CFAP410: variants seen among roughly 807,000 people sequenced by gnomAD.
CFAP410 encodes the protein cilia and flagella associated protein 410.
In CFAP410, 27 loss-of-function variants were observed where a neutral mutation model predicts 25.7. The observed-to-expected ratio is 1.05, with a 90% CI of 0.77 to 1.45. The LOEUF (loss-of-function observed/expected upper bound fraction) is 1.45. Among genes scored for constraint, CFAP410 ranks in the 40% most tolerant of loss-of-function variants. The probability of loss-of-function intolerance (pLI) is 0.00; values close to 1 mark genes in which losing one functional copy is unlikely to be tolerated. For synonymous variants in CFAP410, 178 were observed against 158.4 expected (o/e 1.12, Z -0.93); for missense variants, 428 against 354.1 (o/e 1.21, Z -1.67).
In CFAP410 at chr21:44,333,311, G is replaced by A. The variant is rs1038025763; in HGVS notation, c.144-49C>T. On this transcript the variant is annotated intron_variant, in intron 3 of 6. Transcript: ENST00000339818. ...GCGAGGGACGTGGCCAGGGCCCCCAGGGCCACCTCTCAATCCCCACCCCCA... is the reference window on the plus strand; with the variant it reads ...GCGAGGGACGTGGCCAGGGCCCCCAAGGCCACCTCTCAATCCCCACCCCCA... 3.5e-5 allele frequency: 51 copies of A among 1,458,546 alleles called. No individual in the cohort carries two copies. In the African/African-American group the frequency reaches 6.9e-4, roughly 20 times the overall value. 90.4% of individuals were successfully genotyped at this position (1,458,546 alleles called of 1,614,324 possible). A position where few individuals can be genotyped will look rare whatever the true frequency, so the allele number is the denominator to read the frequency against.
chr21:44,337,628 C>T (rs773145451), intron 2 of CFAP410, 21 bp downstream of exon 2: 61 of 1,609,418 alleles, frequency 3.8e-5, no homozygotes, highest in East Asian at 1.6e-4. Flanking sequence ...GCAATACTTA[C>T]ATCTGTGAGG....
rs11911832 is a variant in CFAP410 at position 44,331,826 on chromosome 21, C to T, written c.545+17G>A. ...ACAGGGATGGGCTGCGGAGTCCCCG[C>T]TGCCCTCCAGCCTCACGTTGCCTCC... is the stretch of plus-strand genomic sequence containing the variant. On this transcript the variant is annotated intron_variant, in intron 5 of 6. Coordinates refer to ENST00000339818, the MANE Select transcript of CFAP410 (RefSeq NM_004928.3). 2 of 1,606,500 alleles carry T rather than the reference C, an allele frequency of 1.2e-6. No homozygotes were observed. Among genetic ancestry groups the T allele is most frequent in the African/African-American group, 1.3e-5 (1 of 74,784 alleles).
Position 44,338,458 on chromosome 21 carries a change from C to T in CFAP410, c.77+660G>A, listed in dbSNP as rs188852613. 896 of 445,510 alleles carry T rather than the reference C, an allele frequency of 2.0e-3. 6 individuals carry two copies. The highest frequency in any genetic ancestry group is 0.016 in the African/African-American group (786 of 49,348). 27.6% of individuals were successfully genotyped at this position (445,510 alleles called of 1,614,324 possible). On this transcript the variant is annotated intron_variant, in intron 1 of 6. Transcript: ENST00000339818. ...TACCTGCCTTTCAGCCTGCCTGGGT[C>T]CCACCGCACCCACGTCCCTTCCTGT...
intron 3 of CFAP410, chr21:44,334,695 A>C: frequency 4.0e-6 from 1 of 248,680 alleles, no homozygotes; most frequent in Middle Eastern, 1.6e-3. Context: ...TTAGCCAGCC[A>C]ATAGATGGGA....
chr21:44,332,808 T>A (rs2047676343), intron 4 of CFAP410: 3 of 558,962 alleles, frequency 5.4e-6, no homozygotes. Flanking sequence ...ATACCCAAAC[T>A]GTCAGTCCCA....
rs569592565 is a variant in CFAP410 at position 44,338,978 on chromosome 21, C to T, written c.77+140G>A. 1.6e-4 allele frequency: 46 copies of T among 291,300 alleles called. 3 individuals carry two copies. The South Asian group carries it at 3.7e-3, about 24-fold the overall frequency. 18.0% of individuals were successfully genotyped at this position (291,300 alleles called of 1,614,324 possible). A position where few individuals can be genotyped will look rare whatever the true frequency, so the allele number is the denominator to read the frequency against. On this transcript the variant is annotated intron_variant, in intron 1 of 6. Transcript: ENST00000339818. ...CTCTCCCCGCCCCGGCTCCTCCCTC[C>T]GGCTCCGCCCTCGTCCCGCCCCGGC... is the stretch of plus-strand genomic sequence containing the variant.
In CFAP410 at chr21:44,331,630, G is replaced by A. The variant is rs10470254; in HGVS notation, c.545+213C>T. Reference sequence around the variant, plus strand: ...CCCTCTCCTGCTCCCTGGCACATCCGCTGTTGGGCAAAACATGGACCTGCC... The same window carrying A: ...CCCTCTCCTGCTCCCTGGCACATCCACTGTTGGGCAAAACATGGACCTGCC... On this transcript the variant is annotated intron_variant, in intron 5 of 6. Coordinates refer to ENST00000339818, the MANE Select transcript of CFAP410 (RefSeq NM_004928.3). 1.2e-3 allele frequency: 657 copies of A among 555,772 alleles called. 2 individuals are homozygous for A. Among genetic ancestry groups the A allele is most frequent in the African/African-American group, 0.011 (572 of 51,060 alleles). 34.4% of individuals were successfully genotyped at this position (555,772 alleles called of 1,614,324 possible). A position where few individuals can be genotyped will look rare whatever the true frequency, so the allele number is the denominator to read the frequency against.
rs901789758 is a variant in CFAP410 at position 44,339,180 on chromosome 21, C to A, written c.15G>T (p.Arg5=). The change falls in exon 1 of 7, where the codon CGG becomes CGT. Residue 5 remains arginine (R), a synonymous_variant. Transcript: ENST00000339818. ...CCTTGGCCCGGGTCAGAACCATCTT[C>A]CGCGTCAGCTTCATGGCGGCCGCCC... is the stretch of plus-strand genomic sequence containing the variant. The part of the protein sequence containing the change: MKLT[R]KMVLTRAKAS... The A allele has an allele frequency of 1.4e-6, 2 of 1,468,784 alleles. No homozygotes were observed. The highest frequency in any genetic ancestry group is 1.8e-6 in the Non-Finnish European group (2 of 1,106,130). The allele number at this position is 1,468,784 out of a possible 1,614,324, so 91.0% of individuals were successfully genotyped here.
Position 44,333,184 on chromosome 21 carries a change from G to C in CFAP410, c.222C>G (p.Ile74Met). 1.2e-6 allele frequency: 2 copies of C among 1,612,952 alleles called. No homozygotes were observed. Among genetic ancestry groups the C allele is most frequent in the Non-Finnish European group, 1.7e-6 (2 of 1,179,960 alleles). ...LSELYLRRNR[I>M]PSLAELFYLK... Reference sequence around the variant, plus strand: ...GGTAGAAGAGCTCAGCCAGGCTGGGGATGCGGTTCCTCCGCAGGTACAGCT... The same window carrying C: ...GGTAGAAGAGCTCAGCCAGGCTGGGCATGCGGTTCCTCCGCAGGTACAGCT... The change falls in exon 4 of 7, where the codon ATC becomes ATG. Residue 74 changes from isoleucine to methionine, a missense_variant. Transcript: ENST00000339818.
At chr21:44,335,724 C>A (rs202196237) in intron 3 of CFAP410, 34 bp downstream of exon 3, 35 of 1,557,256 alleles carry the variant, frequency 2.2e-5, no homozygotes, top group Non-Finnish European at 2.9e-5. Flanking sequence ...GGCTTCCAGG[C>A]CCCAGGCTGA....
At chr21:44,333,922 C>T (rs779734854) in intron 3 of CFAP410, 257 of 360,276 alleles carry the variant, frequency 7.1e-4, no homozygotes, top group Non-Finnish European at 1.1e-3. Flanking sequence ...GCACTCGCGT[C>T]CGGCAGGCGC....
At chr21:44,333,552 G>A (rs2047692950) in intron 3 of CFAP410, 1 of 525,750 alleles carries the variant, frequency 1.9e-6, no homozygotes. Context: ...CGGGAGGTGG[G>A]GGATGTGGCC....
intron 4 of CFAP410, 111 bp downstream of exon 4, chr21:44,332,922 T>C: frequency 1.3e-6 from 1 of 746,430 alleles, no homozygotes; most frequent in South Asian, 1.7e-5. Context: ...GACACATCTA[T>C]GTCCCGCCAG....
chr21:44,330,163 C>A lies in CFAP410; in HGVS notation c.*35G>T, dbSNP rs2047615748. 2 of 1,541,938 alleles carry A rather than the reference C, an allele frequency of 1.3e-6. No individual in the cohort carries two copies. Among genetic ancestry groups the A allele is most frequent in the Non-Finnish European group, 1.7e-6 (2 of 1,149,602 alleles). Reference sequence around the variant, plus strand: ...GGGGGCTGGGGAAGACGCTGGGGTCCCCGTGGAGGCTGGAGCGGCGTTCAG... The same window carrying A: ...GGGGGCTGGGGAAGACGCTGGGGTCACCGTGGAGGCTGGAGCGGCGTTCAG... On this transcript the variant is annotated 3_prime_UTR_variant, in exon 7 of 7. Transcript: ENST00000339818.
chr21:44,336,301 A>G (rs569079347), intron 2 of CFAP410, among the ~76,000 whole-genome samples: 4 of 152,194 alleles, frequency 2.6e-5, no homozygotes, highest in Non-Finnish European at 4.4e-5. Context: ...TTGCTGTCAG[A>G]TGCTGCCAGC....
chr21:44,334,469 C>A lies in CFAP410; in HGVS notation c.144-1207G>T, dbSNP rs1441266982. 2.6e-5 allele frequency: 6 copies of A among 234,364 alleles called. No individual in the cohort carries two copies. The Admixed American group carries it at 3.7e-4, about 15-fold the overall frequency. The allele number at this position is 234,364 out of a possible 1,614,324, so 14.5% of individuals were successfully genotyped here. A position where few individuals can be genotyped will look rare whatever the true frequency, so the allele number is the denominator to read the frequency against. ...TGTCGCCTGACTAGTGAAACGAGCC[C>A]CGCGGCAGGCACGCGCACCCCCCCT... On this transcript the variant is annotated intron_variant, in intron 3 of 6. Transcript: ENST00000339818.
chr21:44,335,919 G>A, intron 2 of CFAP410, 115 bp from the exon 3 acceptor site: 3 of 788,282 alleles, frequency 3.8e-6, no homozygotes, highest in South Asian at 3.2e-5. Context: ...GGGGCCTGAG[G>A]GGCACGGCCT....
At chr21:44,331,201 G>A in intron 5 of CFAP410, 1 of 526,452 alleles carries the variant, frequency 1.9e-6, no homozygotes, top group Non-Finnish European at 3.4e-6. Flanking sequence ...GGCAGGGTGG[G>A]GGGCACCCGA....
At position 44,330,335 on chromosome 21, in the gene CFAP410, A is replaced by G; in HGVS notation, c.643-9T>C. ...ATGGCAGTCAGGACGTTCTGAGGGC[A>G]GAGGGGTGCGGACTAAGCCCACCCG... On this transcript the variant is annotated splice_polypyrimidine_tract_variant and intron_variant, in intron 6 of 6. Coordinates refer to ENST00000339818, the MANE Select transcript of CFAP410 (RefSeq NM_004928.3). 1.2e-6 allele frequency: 2 copies of G among 1,608,350 alleles called. No individual in the cohort carries two copies. The highest frequency in any genetic ancestry group is 8.5e-7 in the Non-Finnish European group (1 of 1,177,140).
Sources: gnomAD v4.1 joint callset for allele counts (sites outside exome capture counted in the v4.1 genomes callset) on GRCh38, gnomAD v4.1.1 for gene constraint, MANE v1.5 for transcripts, NCBI Gene and HGNC (gene_info 2026-07-23, HGNC 2026-07-21) for gene names.